Variants in RAMP3 observed in about 807,000 individuals in gnomAD.
RAMP3 encodes receptor activity modifying protein 3, also known as receptor activity-modifying protein 3.
A neutral mutation model predicts 13.5 loss-of-function variants in RAMP3; 14 were observed. The ratio of observed to expected loss-of-function variants is 1.04; its 90% confidence interval spans 0.69 to 1.63. The LOEUF (loss-of-function observed/expected upper bound fraction) is 1.63, where lower values mean the gene tolerates loss of function less well. Among genes scored for constraint, RAMP3 ranks in the 40% most tolerant of loss-of-function variants. The probability of loss-of-function intolerance (pLI) is 0.00; values close to 1 mark genes in which losing one functional copy is unlikely to be tolerated. For synonymous variants in RAMP3, 106 were observed against 88.3 expected (o/e 1.20, Z -1.12); for missense variants, 200 against 204.8 (o/e 0.98, Z 0.14).
intron 1 of RAMP3, among the ~76,000 whole-genome samples, chr7:45,167,939 A>C (rs988993939): frequency 1.2e-4 from 18 of 152,092 alleles, no homozygotes; most frequent in African/African-American, 4.1e-4. Flanking sequence ...TCGCTTTTCC[A>C]TAGAAACTTT....
chr7:45,163,823 G>A (rs1488622995), intron 1 of RAMP3: 20 of 985,238 alleles, frequency 2.0e-5, no homozygotes, highest in South Asian at 9.4e-5. Context: ...AGGGTGGCAC[G>A]GTCAAGCTTC....
chr7:45,175,048 C>T (rs1206562652), intron 1 of RAMP3, among the ~76,000 whole-genome samples: 2 of 152,204 alleles, frequency 1.3e-5, no homozygotes, highest in African/African-American at 4.8e-5. Flanking sequence ...ACAGAATGAG[C>T]ACATGGCCTT....
chr7:45,159,498 G>A (rs1426930267), intron 1 of RAMP3, among the ~76,000 whole-genome samples: 1 of 152,156 alleles, frequency 6.6e-6, no homozygotes, highest in East Asian at 1.9e-4. Context: ...TTTCCAGAAA[G>A]CATTTGATGC....
intron 1 of RAMP3, among the ~76,000 whole-genome samples, chr7:45,171,463 T>C (rs1037245096): frequency 6.6e-6 from 1 of 152,232 alleles, no homozygotes; most frequent in Non-Finnish European, 1.5e-5. Flanking sequence ...GCCCTGTCTT[T>C]GATTTCTAAT....
intron 2 of RAMP3, among the ~76,000 whole-genome samples, chr7:45,182,871 A>T (rs1361550995): frequency 1.3e-5 from 2 of 152,178 alleles, no homozygotes; most frequent in Non-Finnish European, 2.9e-5. Context: ...CGTAGTGCTT[A>T]GAGGTCCAGG....
chr7:45,166,314 T>G (rs141689785), intron 1 of RAMP3, among the ~76,000 whole-genome samples: 3 of 152,186 alleles, frequency 2.0e-5, no homozygotes, highest in African/African-American at 4.8e-5. Context: ...GGGTTACAAG[T>G]GTGTGCTATC....
At chr7:45,176,387 T>TACAC (rs57539624) in intron 1 of RAMP3, among the ~76,000 whole-genome samples, 2,424 of 147,710 alleles carry the variant, frequency 0.016, 29 homozygotes, top group African/African-American at 0.03. Context: ...GCTGTGTACC[T>TACAC]ACACACACAC....
At chr7:45,163,971 T>C in intron 1 of RAMP3, 1 of 840,396 alleles carries the variant, frequency 1.2e-6, no homozygotes. Flanking sequence ...AGTGGGAGAG[T>C]ACTGTGGCTG....
intron 2 of RAMP3, among the ~76,000 whole-genome samples, chr7:45,180,588 A>C (rs1400273928): frequency 6.6e-6 from 1 of 151,604 alleles, no homozygotes; most frequent in East Asian, 1.9e-4. Flanking sequence ...TCTCCTGGGA[A>C]CCTCCCTCCA....
At chr7:45,179,488 G>A (rs981877828) in intron 2 of RAMP3, among the ~76,000 whole-genome samples, 2 of 152,184 alleles carry the variant, frequency 1.3e-5, no homozygotes, top group African/African-American at 4.8e-5. Context: ...CAAACGTCAC[G>A]ACTGATATCT....
At chr7:45,177,160 T>G (rs1584075737) in intron 1 of RAMP3, 149 bp from the exon 2 acceptor site, 2 of 950,538 alleles carry the variant, frequency 2.1e-6, no homozygotes, top group East Asian at 2.6e-5. Flanking sequence ...TAGGTCAGGG[T>G]GGAGGGTGAA....
In RAMP3 at chr7:45,183,261, A is replaced by T; in HGVS notation, c.296A>T (p.Gln99Leu). 1 of 1,613,988 alleles carries T rather than the reference A, an allele frequency of 6.2e-7. No homozygotes were observed. Among genetic ancestry groups the T allele is most frequent in the South Asian group, 1.1e-5 (1 of 91,080 alleles). Residue 99 changes from glutamine to leucine, a missense_variant, in exon 3 of 3, where the codon CAG becomes CTG. Gln to Leu is a moderately radical substitution (Grantham distance 113, BLOSUM62 -2). Coordinates refer to ENST00000242249, the MANE Select transcript of RAMP3 (RefSeq NM_005856.3). ...AQGFITGIHRQFFSNCTVDRV... is the reference protein window; with the variant it reads ...AQGFITGIHRLFFSNCTVDRV... ...GGCTTCATCACCGGCATCCACAGGCAGTTCTTCTCCAACTGCACCGTGGAC... is the reference window on the plus strand; with the variant it reads ...GGCTTCATCACCGGCATCCACAGGCTGTTCTTCTCCAACTGCACCGTGGAC...
Position 45,183,615 on chromosome 7 carries a change from C to T in RAMP3, c.*203C>T, listed in dbSNP as rs1223532421. The T allele has an allele frequency of 4.3e-6, 3 of 703,492 alleles. No homozygotes were observed. Among genetic ancestry groups the T allele is most frequent in the Non-Finnish European group, 7.0e-6 (3 of 428,474 alleles). The allele number at this position is 703,492 out of a possible 1,614,324, so 43.6% of individuals were successfully genotyped here. On this transcript the variant is annotated 3_prime_UTR_variant, in exon 3 of 3. Transcript: ENST00000242249. The stretch of plus-strand genomic sequence containing the variant: ...CTGAGGCTCAGGCTATCCGCCCAAG[C>T]TCTTTGCTCATTCTAGGGCCAGTGG...
At chr7:45,178,025 A>G (rs1386416925) in intron 2 of RAMP3, among the ~76,000 whole-genome samples, 1 of 150,026 alleles carries the variant, frequency 6.7e-6, no homozygotes, top group Non-Finnish European at 1.5e-5. Flanking sequence ...GCACTCTCCC[A>G]GGGGTGGGTG....
intron 1 of RAMP3, 52 bp from the exon 2 acceptor site, chr7:45,177,257 G>C: frequency 6.2e-7 from 1 of 1,609,756 alleles, no homozygotes; most frequent in South Asian, 1.1e-5. Context: ...CCCCTGTCCT[G>C]GCATCCCCAG....
At chr7:45,163,824 G>T (rs1262552523) in intron 1 of RAMP3, 1 of 985,308 alleles carries the variant, frequency 1.0e-6, no homozygotes, top group Non-Finnish European at 1.2e-6. Flanking sequence ...GGGTGGCACG[G>T]TCAAGCTTCA....
chr7:45,183,016 G>A (rs574107975), intron 2 of RAMP3, 141 bp from the exon 3 acceptor site: 24 of 1,184,054 alleles, frequency 2.0e-5, no homozygotes, highest in Non-Finnish European at 2.7e-5. Flanking sequence ...GCCAGAATGG[G>A]GATTTTCCAA....
chr7:45,168,499 G>T (rs1417377043), intron 1 of RAMP3, among the ~76,000 whole-genome samples: 2 of 150,012 alleles, frequency 1.3e-5, no homozygotes, highest in Non-Finnish European at 3.0e-5. Context: ...TTATTACTAA[G>T]AATTTTATTA....
intron 2 of RAMP3, among the ~76,000 whole-genome samples, chr7:45,178,435 C>T (rs1411197398): frequency 6.6e-6 from 1 of 152,222 alleles, no homozygotes; most frequent in Non-Finnish European, 1.5e-5. Context: ...TGTTAGCACC[C>T]CAGCCCCTGT....
Sources: allele counts gnomAD v4.1 joint callset (sites outside exome capture counted in the v4.1 genomes callset), GRCh38; gene constraint gnomAD v4.1.1; transcripts MANE v1.5; gene names NCBI Gene and HGNC (gene_info 2026-07-23, HGNC 2026-07-21).